Variants in RANGAP1 observed in about 807,000 individuals in gnomAD.
RANGAP1 encodes ran GTPase-activating protein 1.
Under a neutral mutation model 63.5 loss-of-function variants are expected in RANGAP1, and 38 were observed. The observed-to-expected ratio is 0.60, with a 90% CI of 0.46 to 0.78. The LOEUF is 0.78. RANGAP1 is among the 30% of genes least tolerant of loss of function. RANGAP1 has a pLI of 0.00. For missense variants in RANGAP1, 630 were observed against 740.3 expected (o/e 0.85, Z 1.73); for synonymous variants, 329 against 310.5 (o/e 1.06, Z -0.63).
At chr22:41,287,423 C>T (rs553857676), upstream of RANGAP1, among the ~76,000 whole-genome samples, 1 of 141,404 alleles carries the variant, frequency 7.1e-6, no homozygotes, top group South Asian at 2.2e-4. Flanking sequence ...TGTTGCCCAT[C>T]TTGGCCTCCC....
At chr22:41,253,456 G>A (rs541842623) in intron 11 of RANGAP1, among the ~76,000 whole-genome samples, 40 of 152,322 alleles carry the variant, frequency 2.6e-4, no homozygotes, top group Admixed American at 2.0e-4. Context: ...CCAATTCAGC[G>A]TAAGCATGGG....
upstream of RANGAP1, among the ~76,000 whole-genome samples, chr22:41,290,784 A>G (rs2035829856): frequency 6.6e-6 from 1 of 152,214 alleles, no homozygotes; most frequent in African/African-American, 2.4e-5. Context: ...AAATAATAAT[A>G]TTTATGTTGG....
At chr22:41,249,886 TCC>T in intron 13 of RANGAP1, 69 bp from the exon 14 acceptor site, 1 of 1,400,794 alleles carries the variant, frequency 7.1e-7, no homozygotes, top group Non-Finnish European at 1.0e-6. Flanking sequence ...CACCCAGGGT[TCC>T]CCCAACACCG....
chr22:41,256,731 C>G lies in RANGAP1; in HGVS notation c.868G>C (p.Gly290Arg). The G allele has an allele frequency of 6.2e-7, 1 of 1,614,002 alleles. No individual in the cohort carries two copies. The highest frequency in any genetic ancestry group is 8.5e-7 in the Non-Finnish European group (1 of 1,180,026). ...GAVAIADAIR[G>R]GLPKLKELNL... Reference sequence around the variant, plus strand: ...GGCACCTTTAGCTTGGGCAGGCCGCCGCGGATGGCATCTGCAATGGCAACT... The same window carrying G: ...GGCACCTTTAGCTTGGGCAGGCCGCGGCGGATGGCATCTGCAATGGCAACT... Residue 290 changes from glycine (G) to arginine (R), a missense_variant, in exon 8 of 16, where the codon GGC (glycine) becomes CGC (arginine). Coordinates refer to ENST00000356244, the MANE Select transcript of RANGAP1 (RefSeq NM_002883.4).
Position 41,264,796 on chromosome 22 carries a change from C to G in RANGAP1, c.348G>C (p.Glu116Asp), listed in dbSNP as rs768787480. The stretch of plus-strand genomic sequence containing the variant: ...CGAATGCGTTGTCGCTTAAGTCCAG[C>G]TCCACCAGCTGAGCCCCAGCTGTGA... ...GLITAGAQLV[E>D]LDLSDNAFGP... The change falls in exon 5 of 16, where the codon GAG (glutamate) becomes GAC (aspartate). Residue 116 changes from glutamate (E) to aspartate (D), a missense_variant. Glu to Asp is a conservative substitution (Grantham distance 45). Coordinates refer to ENST00000356244, the MANE Select transcript of RANGAP1 (RefSeq NM_002883.4). 1.9e-6 allele frequency: 3 copies of G among 1,613,652 alleles called. No individual in the cohort carries two copies. The Admixed American group carries it at 5.0e-5, about 27-fold the overall frequency.
In RANGAP1 at chr22:41,268,147, A is replaced by T. The variant is rs1306311266; in HGVS notation, c.250T>A (p.Trp84Arg). 6.4e-7 allele frequency: 1 copy of T among 1,554,086 alleles called. No individual in the cohort carries two copies. The highest frequency in any genetic ancestry group is 1.4e-5 in the African/African-American group (1 of 73,270). The change falls in exon 4 of 16, where the codon TGG becomes AGG. Residue 84 changes from tryptophan to arginine, a missense_variant. By Grantham distance (101) the Trp-to-Arg change is moderately radical. Transcript: ENST00000356244. ...EKKSELKRCHWSDMFTGRLRT... is the reference protein window; with the variant it reads ...EKKSELKRCHRSDMFTGRLRT... The stretch of plus-strand genomic sequence containing the variant: ...AGCCTTCCCGTGAACATGTCACTCC[A>T]GTGGCAGCGCTGCAACGGAAAGAAG...
chr22:41,268,746 A>G (rs536181207), intron 3 of RANGAP1, among the ~76,000 whole-genome samples: 12 of 152,238 alleles, frequency 7.9e-5, no homozygotes, highest in African/African-American at 2.9e-4. Flanking sequence ...ACAGAGAAAC[A>G]TGAACATAAA....
rs1377814379 is a variant in RANGAP1 at position 41,256,104 on chromosome 22, GC to G, written c.989del (p.Gly330AlafsTer120). ...CACAGCCTTCTTCTCCCAGGGTGTTGCCTGCTCAAGGGGAGGGAAGAGCAGT... is the reference window on the plus strand; with the variant it reads ...CACAGCCTTCTTCTCCCAGGGTGTTGCTGCTCAAGGGGAGGGAAGAGCAGT... ...KAELEKLDLN[G>X]NTLGEEGCEQ... On this transcript the variant is annotated frameshift_variant and splice_region_variant, in exon 10 of 16. Coordinates refer to ENST00000356244, the MANE Select transcript of RANGAP1 (RefSeq NM_002883.4). LOFTEE classifies it high-confidence loss of function. The G allele has an allele frequency of 2.9e-5, 47 of 1,614,004 alleles. No homozygotes were observed. The highest frequency in any genetic ancestry group is 3.8e-5 in the Non-Finnish European group (45 of 1,180,032).
the RANGAP1 span, chr22:41,301,480 G>A: frequency 6.6e-6 from 1 of 152,072 alleles, no homozygotes; most frequent in Non-Finnish European, 1.5e-5. Flanking sequence ...GCGGCGAGGC[G>A]ACGGGAGCCG....
Position 41,269,019 on chromosome 22 carries a change from T to C in RANGAP1, c.241-863A>G, listed in dbSNP as rs1262679914. 2.6e-5 allele frequency among the ~76,000 whole-genome samples: 4 copies of C among 152,232 alleles called. No homozygotes were observed. In the East Asian group the frequency reaches 7.7e-4, roughly 29 times the overall value. ...AGTAACACTATTTTATTTCCTTTAT[T>C]GTAAGGAATGTCAGCTTTCCATTCA... On this transcript the variant is annotated intron_variant, in intron 3 of 15. Coordinates refer to ENST00000356244, the MANE Select transcript of RANGAP1 (RefSeq NM_002883.4).
upstream of RANGAP1, among the ~76,000 whole-genome samples, chr22:41,287,293 T>C (rs967754484): frequency 6.6e-6 from 1 of 152,098 alleles, no homozygotes; most frequent in African/African-American, 2.4e-5. Context: ...GTTAATCTGG[T>C]TGAAGAATAT....
chr22:41,248,035 T>G (rs1050294132), intron 15 of RANGAP1, among the ~76,000 whole-genome samples: 2 of 152,166 alleles, frequency 1.3e-5, no homozygotes, highest in African/African-American at 2.4e-5. Flanking sequence ...GGAACTACTC[T>G]GACCAGGGGG....
chr22:41,256,831 G>C lies in RANGAP1; in HGVS notation c.775-7C>G, dbSNP rs774731855. On this transcript the variant is annotated splice_region_variant and splice_polypyrimidine_tract_variant and intron_variant, in intron 7 of 15. Coordinates refer to ENST00000356244, the MANE Select transcript of RANGAP1 (RefSeq NM_002883.4). ...GCCGCAAGGTCTTCAAGGTCTGTGA[G>C]GGGGAAGCAAGGGTCCAGAGTGAGG... The C allele has an allele frequency of 6.2e-7, 1 of 1,612,056 alleles. No individual in the cohort carries two copies. Among genetic ancestry groups the C allele is most frequent in the Admixed American group, 1.7e-5 (1 of 59,980 alleles).
intron 2 of RANGAP1, among the ~76,000 whole-genome samples, chr22:41,279,106 G>C (rs1005695961): frequency 1.1e-4 from 17 of 152,164 alleles, no homozygotes; most frequent in African/African-American, 4.1e-4. Context: ...TCATGCCAGT[G>C]CACTCCAGCC....
chr22:41,272,423 T>C (rs984258831), intron 3 of RANGAP1, among the ~76,000 whole-genome samples: 5 of 152,134 alleles, frequency 3.3e-5, no homozygotes, highest in South Asian at 2.1e-4. Context: ...AATCCTCTCA[T>C]GGCCCCCAGT....
In RANGAP1 at chr22:41,277,538, G is replaced by T; in HGVS notation, c.113-2811C>A. The T allele has an allele frequency of 1.7e-6, 2 of 1,188,006 alleles. 1 individual carries two copies. Among genetic ancestry groups the T allele is most frequent in the South Asian group, 2.6e-5 (2 of 78,212 alleles). 73.6% of individuals were successfully genotyped at this position (1,188,006 alleles called of 1,614,324 possible). On this transcript the variant is annotated intron_variant, in intron 2 of 15. Coordinates refer to ENST00000356244, the MANE Select transcript of RANGAP1 (RefSeq NM_002883.4). ...GTAGGGTGACATGTGGGAGGGAAGAGATAGAGATGGGTATGGGAGATAAAG... is the reference window on the plus strand; with the variant it reads ...GTAGGGTGACATGTGGGAGGGAAGATATAGAGATGGGTATGGGAGATAAAG...
intron 1 of RANGAP1, among the ~76,000 whole-genome samples, chr22:41,282,780 T>C (rs1267882686): frequency 2.6e-5 from 4 of 152,180 alleles, no homozygotes; most frequent in Non-Finnish European, 5.9e-5. Context: ...GGAACATCAC[T>C]ACATACCTGA....
the RANGAP1 span, among the ~76,000 whole-genome samples, chr22:41,297,327 A>G: frequency 8.5e-5 from 13 of 152,146 alleles, no homozygotes; most frequent in Non-Finnish European, 5.9e-5. Flanking sequence ...AACTGGTTGG[A>G]TGAGGCCCAT....
At chr22:41,249,061 C>G (rs1349235203) in intron 15 of RANGAP1, among the ~76,000 whole-genome samples, 3 of 152,258 alleles carry the variant, frequency 2.0e-5, no homozygotes. Flanking sequence ...TGCTCCTCAT[C>G]TGCACAATGG....
Sources: allele counts gnomAD v4.1 joint callset (sites outside exome capture counted in the v4.1 genomes callset), GRCh38; gene constraint gnomAD v4.1.1; transcripts MANE v1.5; gene names NCBI Gene and HGNC (gene_info 2026-07-23, HGNC 2026-07-21).